Variants in ITPR2 observed in about 807,000 individuals in gnomAD.
ITPR2 encodes the protein inositol 1,4,5-trisphosphate-gated calcium channel ITPR2.
A neutral mutation model predicts 317.1 loss-of-function variants in ITPR2; 207 were observed. The ratio of observed to expected loss-of-function variants is 0.65; its 90% CI spans 0.58 to 0.73. The LOEUF is 0.73. Ranked by LOEUF, ITPR2 falls within the 30% of genes least tolerant of loss-of-function variation. The pLI is 0.00. For missense variants in ITPR2, 2,613 were observed against 3,284.0 expected (o/e 0.80, Z 4.99); for synonymous variants, 1,156 against 1,149.1 (o/e 1.01, Z -0.12).
chr12:26,420,144 A>T (rs1940845433), intron 49 of ITPR2, among the ~76,000 whole-genome samples: 1 of 152,174 alleles, frequency 6.6e-6, no homozygotes. Flanking sequence ...TTATAAACTT[A>T]GCACCATCTA....
intron 55 of ITPR2, among the ~76,000 whole-genome samples, chr12:26,359,657 T>A (rs1938760507): frequency 6.6e-6 from 1 of 150,796 alleles, no homozygotes; most frequent in South Asian, 2.1e-4. Flanking sequence ...TGGCAGGGGG[T>A]CAGGGTGGGG....
intron 37 of ITPR2, among the ~76,000 whole-genome samples, chr12:26,511,827 T>A (rs1326042953): frequency 6.6e-6 from 1 of 152,188 alleles, no homozygotes; most frequent in Non-Finnish European, 1.5e-5. Flanking sequence ...TAGCTACAAA[T>A]CAAGTCTTGA....
At position 26,486,346 on chromosome 12, in the gene ITPR2, G is replaced by A. The variant is rs191281974; in HGVS notation, c.5569C>T (p.Leu1857=). ...GPRMRVRDST[L]HLKEGMKGQL... is the part of the protein sequence containing the mutation. Reference sequence around the variant, plus strand: ...CCTTTCATTCCCTCTTTTAAATGTAGTGTTGAATCTCTTACTGAAAACAAA... The same window carrying A: ...CCTTTCATTCCCTCTTTTAAATGTAATGTTGAATCTCTTACTGAAAACAAA... The change falls in exon 41 of 57, where the codon CTA becomes TTA. Residue 1857 remains leucine (L), a synonymous_variant. Transcript: ENST00000381340. 1,411 of 1,609,954 alleles carry A rather than the reference G, an allele frequency of 8.8e-4. 2 individuals carry two copies. The highest frequency in any genetic ancestry group is 1.1e-3 in the Non-Finnish European group (1,242 of 1,177,436).
At chr12:26,562,050 A>T in intron 34 of ITPR2, 98 bp from the exon 35 acceptor site, 1 of 834,124 alleles carries the variant, frequency 1.2e-6, no homozygotes. Context: ...AAAAATATTA[A>T]ATCTTTAAAC....
chr12:26,825,145 A>C (rs575775003), intron 1 of ITPR2, among the ~76,000 whole-genome samples: 9 of 152,322 alleles, frequency 5.9e-5, no homozygotes, highest in African/African-American at 1.9e-4. Flanking sequence ...AGGCACAGGA[A>C]TGGCTTGAAC....
chr12:26,788,218 G>A (rs576263194), intron 2 of ITPR2, among the ~76,000 whole-genome samples: 5 of 152,224 alleles, frequency 3.3e-5, no homozygotes, highest in East Asian at 1.9e-4. Context: ...CACCATGCCC[G>A]GCCCATTTGT....
chr12:26,422,393 C>T (rs1305833713), intron 49 of ITPR2, among the ~76,000 whole-genome samples: 2 of 151,640 alleles, frequency 1.3e-5, no homozygotes, highest in African/African-American at 2.4e-5. Context: ...TTCATATATA[C>T]TTTATAGTTA....
intron 55 of ITPR2, among the ~76,000 whole-genome samples, chr12:26,356,808 A>G (rs1938655242): frequency 1.3e-5 from 2 of 152,194 alleles, no homozygotes; most frequent in Admixed American, 6.5e-5. Flanking sequence ...TGGCTTCCCA[A>G]AGTTCTAGGA....
intron 30 of ITPR2, among the ~76,000 whole-genome samples, chr12:26,598,923 T>C (rs1233773948): frequency 6.6e-6 from 1 of 152,198 alleles, no homozygotes; most frequent in Non-Finnish European, 1.5e-5. Flanking sequence ...CACAAATTCA[T>C]TATAGGTCAA....
intron 1 of ITPR2, among the ~76,000 whole-genome samples, chr12:26,830,861 C>T (rs537348164): frequency 4.6e-5 from 7 of 152,296 alleles, no homozygotes; most frequent in Admixed American, 6.5e-5. Context: ...AGGTACCATG[C>T]TACTCACTTT....
intron 1 of ITPR2, among the ~76,000 whole-genome samples, chr12:26,826,897 T>G (rs1951016721): frequency 6.6e-6 from 1 of 152,240 alleles, no homozygotes; most frequent in South Asian, 2.1e-4. Context: ...TACTCTGTGG[T>G]ACCTGACCAT....
At chr12:26,784,767 G>T (rs1023527625) in intron 2 of ITPR2, among the ~76,000 whole-genome samples, 48 of 149,048 alleles carry the variant, frequency 3.2e-4, no homozygotes, top group African/African-American at 1.1e-3. Flanking sequence ...CCACCACCCC[G>T]TCTGGGAAGT....
At chr12:26,436,761 CAAAT>C (rs1468684017) in intron 47 of ITPR2, among the ~76,000 whole-genome samples, 1 of 84,926 alleles carries the variant, frequency 1.2e-5, no homozygotes, top group Non-Finnish European at 3.0e-5. Context: ...GCCTTAAAGT[CAAAT>C]AAAAAAACTC....
chr12:26,609,133 T>G (rs1946205390), intron 26 of ITPR2, among the ~76,000 whole-genome samples: 1 of 152,240 alleles, frequency 6.6e-6, no homozygotes, highest in Non-Finnish European at 1.5e-5. Context: ...GAATCAGCAC[T>G]GCCTTTTACA....
intron 55 of ITPR2, among the ~76,000 whole-genome samples, chr12:26,366,972 A>G (rs1216278071): frequency 6.6e-6 from 1 of 152,190 alleles, no homozygotes; most frequent in Non-Finnish European, 1.5e-5. Flanking sequence ...GAGGGCTTTG[A>G]GGATTATTCA....
chr12:26,550,553 C>T (rs1413537624), intron 36 of ITPR2, among the ~76,000 whole-genome samples, 198 bp from the exon 37 acceptor site: 1 of 152,042 alleles, frequency 6.6e-6, no homozygotes, highest in Non-Finnish European at 1.5e-5. Flanking sequence ...TGTCTTACAA[C>T]AAAATATCTC....
chr12:26,556,594 GTT>G (rs1491150287), intron 35 of ITPR2, among the ~76,000 whole-genome samples: 2,300 of 149,616 alleles, frequency 0.015, 30 homozygotes, highest in African/African-American at 0.037. Flanking sequence ...GTGTGTGTGT[GTT>G]TTTGTTTATA....
intron 31 of ITPR2, 130 bp downstream of exon 31, chr12:26,596,749 ATAGT>A: frequency 1.6e-6 from 1 of 611,112 alleles, no homozygotes; most frequent in Non-Finnish European, 2.5e-6. Flanking sequence ...TCCAAATTAT[ATAGT>A]TAAATACAAT....
chr12:26,763,434 CGAT>C (rs1172186654), intron 2 of ITPR2, among the ~76,000 whole-genome samples: 2 of 151,806 alleles, frequency 1.3e-5, no homozygotes, highest in African/African-American at 4.8e-5. Flanking sequence ...ATCCAAAAAA[CGAT>C]GAGATGTATA....
Sources: allele counts gnomAD v4.1 joint callset (sites outside exome capture counted in the v4.1 genomes callset), GRCh38; gene constraint gnomAD v4.1.1; transcripts MANE v1.5; gene names NCBI Gene and HGNC (gene_info 2026-07-23, HGNC 2026-07-21).